Variants in RSRC1 observed in about 807,000 individuals in gnomAD.
RSRC1 encodes the protein serine/Arginine-related protein 53.
In RSRC1, 39 loss-of-function variants were observed where a neutral mutation model predicts 49.1. The ratio of observed to expected loss-of-function variants is 0.79; its 90% confidence interval spans 0.61 to 1.04. RSRC1 has a LOEUF of 1.04. RSRC1 is among the 50% of genes least tolerant of loss of function. The pLI, the probability that RSRC1 is intolerant of heterozygous loss-of-function variation, is 0.00. For missense variants in RSRC1, 388 were observed against 402.4 expected, an observed-to-expected ratio of 0.96 and a Z score of 0.31; for synonymous variants, 143 against 130.8, an observed-to-expected ratio of 1.09 and a Z score of -0.63.
At chr3:158,435,569 A>G (rs186065646) in intron 6 of RSRC1, among the ~76,000 whole-genome samples, 70 of 151,742 alleles carry the variant, frequency 4.6e-4, no homozygotes, top group African/African-American at 1.6e-3. Context: ...AATATGTGCT[A>G]TAAAGATATA....
At chr3:158,171,892 G>A (rs1361584091) in intron 3 of RSRC1, among the ~76,000 whole-genome samples, 6 of 151,982 alleles carry the variant, frequency 3.9e-5, no homozygotes, top group Non-Finnish European at 4.4e-5. Context: ...GTCAAGGCAT[G>A]AGCAAACCAT....
chr3:158,362,176 A>G (rs932722690), intron 6 of RSRC1, among the ~76,000 whole-genome samples: 2 of 151,966 alleles, frequency 1.3e-5, no homozygotes, highest in Non-Finnish European at 2.9e-5. Flanking sequence ...CTGTCTCTAC[A>G]AAAAAATACA....
intron 3 of RSRC1, among the ~76,000 whole-genome samples, chr3:158,143,125 G>A (rs745963017): frequency 6.6e-6 from 1 of 152,114 alleles, no homozygotes; most frequent in African/African-American, 2.4e-5. Context: ...TGTGTGCATC[G>A]TCAGGTATAT....
intron 5 of RSRC1, among the ~76,000 whole-genome samples, chr3:158,323,189 C>G (rs1728861383): frequency 6.6e-6 from 1 of 152,114 alleles, no homozygotes; most frequent in Non-Finnish European, 1.5e-5. Flanking sequence ...CTTTTCTAGA[C>G]TCAAACTGTG....
At chr3:158,266,131 G>A (rs1020531257) in intron 4 of RSRC1, among the ~76,000 whole-genome samples, 1 of 151,904 alleles carries the variant, frequency 6.6e-6, no homozygotes, top group Non-Finnish European at 1.5e-5. Flanking sequence ...TTTTAAAGGT[G>A]GTTTATCAAA....
At chr3:158,189,477 C>A (rs1166196302) in intron 3 of RSRC1, among the ~76,000 whole-genome samples, 3 of 151,844 alleles carry the variant, frequency 2.0e-5, no homozygotes, top group African/African-American at 4.8e-5. Flanking sequence ...TAGATTAATA[C>A]ACACGTTTGG....
At chr3:158,435,627 A>T (rs914472899) in intron 6 of RSRC1, among the ~76,000 whole-genome samples, 1 of 151,706 alleles carries the variant, frequency 6.6e-6, no homozygotes, top group Non-Finnish European at 1.5e-5. Context: ...ATTTAAAGGT[A>T]TATATTTACT....
chr3:158,253,875 C>A (rs1724370968), intron 4 of RSRC1, among the ~76,000 whole-genome samples: 2 of 152,120 alleles, frequency 1.3e-5, no homozygotes, highest in African/African-American at 4.8e-5. Context: ...ATCAACTCAT[C>A]ATTTACATTA....
At chr3:158,426,279 T>TA (rs1735435801) in intron 6 of RSRC1, among the ~76,000 whole-genome samples, 1 of 151,614 alleles carries the variant, frequency 6.6e-6, no homozygotes, top group Non-Finnish European at 1.5e-5. Context: ...ATATAACACA[T>TA]ACTGGGAGAA....
At chr3:158,124,190 A>T (rs1165492953) in intron 3 of RSRC1, among the ~76,000 whole-genome samples, 199 bp downstream of exon 3, 1 of 152,068 alleles carries the variant, frequency 6.6e-6, no homozygotes, top group South Asian at 2.1e-4. Context: ...ATGTGGCCTC[A>T]CTCATATATC....
chr3:158,338,473 A>C (rs1432459045), intron 5 of RSRC1, among the ~76,000 whole-genome samples: 1 of 152,164 alleles, frequency 6.6e-6, no homozygotes, highest in African/African-American at 2.4e-5. Flanking sequence ...TAGAAATATG[A>C]TAAGCTGTTG....
intron 6 of RSRC1, among the ~76,000 whole-genome samples, chr3:158,441,329 T>C (rs1736368895): frequency 6.6e-6 from 1 of 152,106 alleles, no homozygotes; most frequent in Non-Finnish European, 1.5e-5. Context: ...TACTAAAACG[T>C]TTTGAAGATC....
chr3:158,329,187 C>T (rs1340430765), intron 5 of RSRC1, among the ~76,000 whole-genome samples: 1 of 152,184 alleles, frequency 6.6e-6, no homozygotes, highest in African/African-American at 2.4e-5. Flanking sequence ...ATCGAACTTC[C>T]TCCTTTAGCT....
chr3:158,537,070 G>A (rs768659778), intron 7 of RSRC1, 22 bp from the exon 8 acceptor site: 7 of 1,522,572 alleles, frequency 4.6e-6, no homozygotes, highest in Admixed American at 3.4e-5. Context: ...AAAATACGCT[G>A]ACATTATACC....
intron 1 of RSRC1, among the ~76,000 whole-genome samples, chr3:158,117,015 A>T (rs1714879223): frequency 6.6e-6 from 1 of 152,116 alleles, no homozygotes; most frequent in Non-Finnish European, 1.5e-5. Context: ...TTGAGACCTT[A>T]CATGTCTGAA....
chr3:158,193,267 A>G (rs1327173135), intron 3 of RSRC1, among the ~76,000 whole-genome samples: 1 of 152,132 alleles, frequency 6.6e-6, no homozygotes, highest in East Asian at 1.9e-4. Flanking sequence ...CATATTAGTA[A>G]CAGATACATT....
At position 158,118,466 on chromosome 3, in the gene RSRC1, C is replaced by T. The variant is rs866139654; in HGVS notation, c.-2-3637C>T. Among the ~76,000 whole-genome samples, 623 of 65,924 alleles carry T rather than the reference C, an allele frequency of 9.5e-3. 11 individuals carry two copies. Among genetic ancestry groups the T allele is most frequent in the African/African-American group, 0.031 (527 of 17,040 alleles). The allele number at this position is 65,924 out of a possible 152,430, so 43.2% of individuals were successfully genotyped here. ...GTGTGTGTGTGTGTGTGTGTGTGCG[C>T]GTGCGCGTGGTTTTTTTAAATTGTC... On this transcript the variant is annotated intron_variant, in intron 1 of 9. Transcript: ENST00000611884.
intron 4 of RSRC1, among the ~76,000 whole-genome samples, chr3:158,204,178 TAA>T (rs1482953157): frequency 6.6e-6 from 1 of 152,204 alleles, no homozygotes; most frequent in Non-Finnish European, 1.5e-5. Flanking sequence ...AAAGAATTAT[TAA>T]GTTTATTAAA....
chr3:158,497,581 C>T (rs560914029), intron 7 of RSRC1, among the ~76,000 whole-genome samples: 2 of 151,842 alleles, frequency 1.3e-5, no homozygotes, highest in East Asian at 1.9e-4. Flanking sequence ...GGACTACAGG[C>T]GCGTGCCACC....
Sources: gnomAD v4.1 joint callset for allele counts (sites outside exome capture counted in the v4.1 genomes callset) on GRCh38, gnomAD v4.1.1 for gene constraint, MANE v1.5 for transcripts, NCBI Gene and HGNC (gene_info 2026-07-23, HGNC 2026-07-21) for gene names.